Variants in PITPNB observed in about 807,000 individuals in gnomAD.
The protein encoded by PITPNB is phosphatidylinositol transfer protein beta, also known as phosphatidylinositol transfer protein beta isoform.
Under a neutral mutation model 45.9 loss-of-function variants are expected in PITPNB, and 16 were observed. That is an observed-to-expected ratio of 0.35 (90% CI 0.24 to 0.53). PITPNB has a LOEUF of 0.53. PITPNB is among the 20% of genes least tolerant of loss of function. The pLI, the probability that PITPNB is intolerant of heterozygous loss-of-function variation, is 0.93. For missense variants in PITPNB, 188 were observed against 330.5 expected (o/e 0.57, Z 3.34); for synonymous variants, 112 against 108.9 (o/e 1.03, Z -0.18).
At chr22:27,875,913 T>C (rs1006936691) in intron 7 of PITPNB, among the ~76,000 whole-genome samples, 2 of 152,048 alleles carry the variant, frequency 1.3e-5, no homozygotes, top group Non-Finnish European at 2.9e-5. Flanking sequence ...CAACAGAGAA[T>C]GGAGACAATT....
In PITPNB at chr22:27,894,555, T is replaced by C; in HGVS notation, c.456A>G (p.Ala152=). The C allele has an allele frequency of 1.3e-6, 2 of 1,489,248 alleles. No homozygotes were observed. Among genetic ancestry groups the C allele is most frequent in the South Asian group, 1.1e-5 (1 of 88,352 alleles). The allele number at this position is 1,489,248 out of a possible 1,614,324, so 92.3% of individuals were successfully genotyped here. ...TTAAATGTCATTGAGTAATACTTACTGCTGGTTCAACTTGACTTCTATCTG... is the reference window on the plus strand; with the variant it reads ...TTAAATGTCATTGAGTAATACTTACCGCTGGTTCAACTTGACTTCTATCTG... ...DIADRSQVEP[A]DYKADEDPAL... is the part of the protein sequence containing the mutation. The change falls in exon 7 of 12, where the codon GCA becomes GCG. Residue 152 remains alanine, a splice_region_variant and synonymous_variant. Coordinates refer to ENST00000335272, the MANE Select transcript of PITPNB (RefSeq NM_012399.5).
chr22:27,910,780 T>C, intron 3 of PITPNB, 184 bp downstream of exon 3: 2 of 511,226 alleles, frequency 3.9e-6, no homozygotes, highest in Non-Finnish European at 7.0e-6. Flanking sequence ...ATTTTTGTTA[T>C]AAGCAGATAT....
At chr22:27,901,775 T>C (rs1233955512) in intron 3 of PITPNB, among the ~76,000 whole-genome samples, 1 of 151,888 alleles carries the variant, frequency 6.6e-6, no homozygotes, top group African/African-American at 2.4e-5. Flanking sequence ...TCCCAGCCAC[T>C]TGGGAGGCTG....
chr22:27,903,777 C>CA (rs58453570), intron 3 of PITPNB, among the ~76,000 whole-genome samples: 11,663 of 83,968 alleles, frequency 0.14, 652 homozygotes, highest in South Asian at 0.2. Flanking sequence ...CCCTGTCTCC[C>CA]AAAAAAAAAA....
chr22:27,861,047 A>AAG (rs1934315169), intron 8 of PITPNB, among the ~76,000 whole-genome samples: 1 of 147,920 alleles, frequency 6.8e-6, no homozygotes, highest in African/African-American at 2.5e-5. Context: ...AAAAAAAAAA[A>AAG]AGGCTGGGCA....
intron 8 of PITPNB, 144 bp from the exon 9 acceptor site, chr22:27,860,385 A>G (rs941921766): frequency 1.8e-6 from 1 of 571,022 alleles, no homozygotes; most frequent in African/African-American, 1.9e-5. Context: ...GAAAATTTGA[A>G]ATCATTTTAG....
intron 6 of PITPNB, among the ~76,000 whole-genome samples, chr22:27,895,195 ATATGC>A (rs1212121229): frequency 2.0e-5 from 3 of 152,244 alleles, no homozygotes; most frequent in Non-Finnish European, 4.4e-5. Context: ...ACTGCCAAAG[ATATGC>A]CCATTTAAAA....
intron 7 of PITPNB, among the ~76,000 whole-genome samples, chr22:27,880,961 G>C (rs1223835440): frequency 6.6e-6 from 1 of 152,152 alleles, no homozygotes; most frequent in African/African-American, 2.4e-5. Flanking sequence ...AAGCAAGCAC[G>C]ACATAAGCAA....
Position 27,908,902 on chromosome 22 carries a change from G to A in PITPNB, c.197+2062C>T, listed in dbSNP as rs372931312. ...AGCAAAGAAATGCTGTATTCTAAGCGAAAATAATGATAAAATTTAAGGTTC... is the reference window on the plus strand; with the variant it reads ...AGCAAAGAAATGCTGTATTCTAAGCAAAAATAATGATAAAATTTAAGGTTC... On this transcript the variant is annotated intron_variant, in intron 3 of 11. Coordinates refer to ENST00000335272, the MANE Select transcript of PITPNB (RefSeq NM_012399.5). Among the ~76,000 whole-genome samples, 31 of 152,150 alleles carry A rather than the reference G, an allele frequency of 2.0e-4. No homozygotes were observed. In the East Asian group the frequency reaches 5.0e-3, roughly 25 times the overall value.
chr22:27,907,719 G>C (rs1052419334), intron 3 of PITPNB, among the ~76,000 whole-genome samples: 6 of 152,220 alleles, frequency 3.9e-5, no homozygotes, highest in Admixed American at 1.3e-4. Context: ...GGAGTGCCTT[G>C]TATTCATCAG....
intron 6 of PITPNB, among the ~76,000 whole-genome samples, chr22:27,895,829 A>G (rs1321450941): frequency 6.6e-6 from 1 of 152,160 alleles, no homozygotes; most frequent in African/African-American, 2.4e-5. Context: ...CTGGTTCGGT[A>G]GTTCTTGGGT....
intron 3 of PITPNB, among the ~76,000 whole-genome samples, chr22:27,900,310 T>C (rs1395545182): frequency 6.6e-6 from 1 of 152,170 alleles, no homozygotes; most frequent in Non-Finnish European, 1.5e-5. Context: ...CTATAGTGCC[T>C]GATATGTGAA....
intron 1 of PITPNB, among the ~76,000 whole-genome samples, chr22:27,916,758 A>G (rs1413197644): frequency 6.6e-6 from 1 of 152,074 alleles, no homozygotes; most frequent in African/African-American, 2.4e-5. Context: ...AGCAGAGATC[A>G]TGCCACTGCA....
chr22:27,879,783 C>T (rs1036375935), intron 7 of PITPNB, among the ~76,000 whole-genome samples: 1 of 151,994 alleles, frequency 6.6e-6, no homozygotes, highest in Non-Finnish European at 1.5e-5. Context: ...AATCACTGAA[C>T]ATATTATATC....
intron 4 of PITPNB, 108 bp downstream of exon 4, chr22:27,897,693 C>T (rs1039695506): frequency 2.6e-6 from 2 of 766,864 alleles, no homozygotes; most frequent in African/African-American, 3.4e-5. Flanking sequence ...TATCCAAGAA[C>T]CCAAGGAAGA....
chr22:27,856,728 C>T (rs1159533918), intron 10 of PITPNB, among the ~76,000 whole-genome samples: 1 of 152,180 alleles, frequency 6.6e-6, no homozygotes, highest in Non-Finnish European at 1.5e-5. Flanking sequence ...GCATCATGGG[C>T]TTAGCGTGTT....
chr22:27,882,658 C>G (rs1175928299), intron 7 of PITPNB, among the ~76,000 whole-genome samples: 1 of 152,210 alleles, frequency 6.6e-6, no homozygotes, highest in African/African-American at 2.4e-5. Context: ...ATTTAGTAAA[C>G]TGCAAAACTC....
intron 8 of PITPNB, among the ~76,000 whole-genome samples, chr22:27,864,629 C>G (rs1001336180): frequency 7.2e-5 from 11 of 152,138 alleles, no homozygotes; most frequent in African/African-American, 2.4e-4. Context: ...GGCTATTATG[C>G]ATACAGCCAT....
intron 6 of PITPNB, among the ~76,000 whole-genome samples, chr22:27,896,111 T>C (rs781181488): frequency 2.6e-5 from 4 of 152,242 alleles, no homozygotes; most frequent in South Asian, 2.1e-4. Flanking sequence ...TCAAGTACTT[T>C]ATCCCTCCTG....
Sources: allele counts gnomAD v4.1 joint callset (sites outside exome capture counted in the v4.1 genomes callset), GRCh38; gene constraint gnomAD v4.1.1; transcripts MANE v1.5; gene names NCBI Gene and HGNC (gene_info 2026-07-23, HGNC 2026-07-21).